Variants in CHLSN observed in about 807,000 individuals in gnomAD.
CHLSN encodes protein cholesin.
the CHLSN span, chr7:1,028,426 G>A: frequency 1.0e-6 from 1 of 985,682 alleles, no homozygotes; most frequent in Non-Finnish European, 1.2e-6. Context: ...GGACCGTGAC[G>A]CCAGCGCGCC....
the CHLSN span, among the ~76,000 whole-genome samples, chr7:983,571 A>G: frequency 6.6e-6 from 1 of 152,094 alleles, no homozygotes; most frequent in African/African-American, 2.4e-5. Context: ...TCCCACAGGG[A>G]AGCAGACACA....
chr7:1,108,315 G>A, the CHLSN span, among the ~76,000 whole-genome samples: 5 of 147,932 alleles, frequency 3.4e-5, no homozygotes, highest in African/African-American at 1.0e-4. Flanking sequence ...TCCCACACTG[G>A]AGTCCCGCGC....
the CHLSN span, among the ~76,000 whole-genome samples, chr7:1,037,662 C>A: frequency 7.7e-6 from 1 of 130,360 alleles, no homozygotes; most frequent in Non-Finnish European, 1.7e-5. Flanking sequence ...TCTGCCCGGC[C>A]GCCACCCCGT....
chr7:1,058,237 C>T, the CHLSN span: 49 of 764,946 alleles, frequency 6.4e-5, no homozygotes, highest in Middle Eastern at 4.5e-4. Flanking sequence ...ACCGTGTGCA[C>T]GCAGTTTGGG....
chr7:986,689 C>T, the CHLSN span: 67 of 1,612,506 alleles, frequency 4.2e-5, no homozygotes, highest in Non-Finnish European at 5.3e-5. Context: ...TGCGCAAGAT[C>T]GAGGAGGTCC....
chr7:1,113,617 G>A, the CHLSN span, among the ~76,000 whole-genome samples: 3 of 152,136 alleles, frequency 2.0e-5, no homozygotes, highest in Non-Finnish European at 2.9e-5. Flanking sequence ...CACATCTCAC[G>A]CTCCACAGGA....
the CHLSN span, chr7:1,092,139 G>T: frequency 1.2e-6 from 2 of 1,613,552 alleles, no homozygotes; most frequent in African/African-American, 2.7e-5. Context: ...CGCTCTTCCT[G>T]CAGGTCAACA....
At chr7:1,016,236 G>GCAGCACACAGCAGCGCACGC in the CHLSN span, among the ~76,000 whole-genome samples, 3 of 62,076 alleles carry the variant, frequency 4.8e-5, no homozygotes, top group East Asian at 3.7e-4. Context: ...CCAGCACACA[G>GCAGCACACAGCAGCGCACGC]CAGCACACAG....
At chr7:1,053,434 T>C in the CHLSN span, among the ~76,000 whole-genome samples, 1 of 151,706 alleles carries the variant, frequency 6.6e-6, no homozygotes. Context: ...GCGTCACGAG[T>C]CTCCTGTGAC....
chr7:1,014,629 G>A, the CHLSN span, among the ~76,000 whole-genome samples: 1 of 152,254 alleles, frequency 6.6e-6, no homozygotes, highest in African/African-American at 2.4e-5. Flanking sequence ...CAGGAAACGT[G>A]GGACAAACAC....
chr7:1,137,131 A>G, the CHLSN span, among the ~76,000 whole-genome samples: 1 of 152,030 alleles, frequency 6.6e-6, no homozygotes, highest in African/African-American at 2.4e-5. Context: ...CCCTCCTCGC[A>G]TCTCTGGGAA....
the CHLSN span, among the ~76,000 whole-genome samples, chr7:1,060,491 G>C: frequency 6.6e-6 from 1 of 152,214 alleles, no homozygotes; most frequent in South Asian, 2.1e-4. Context: ...GGGACAGTGG[G>C]GGTAGGGTGG....
the CHLSN span, among the ~76,000 whole-genome samples, chr7:982,437 C>T: frequency 1.3e-5 from 2 of 152,250 alleles, no homozygotes; most frequent in Admixed American, 1.3e-4. Flanking sequence ...GCTTCTGCTG[C>T]CAGCAGCCCT....
At chr7:1,007,228 C>T in the CHLSN span, among the ~76,000 whole-genome samples, 2 of 152,350 alleles carry the variant, frequency 1.3e-5, no homozygotes, top group South Asian at 2.1e-4. Flanking sequence ...GATGGCTTTG[C>T]CTCCAGGAGG....
chr7:1,130,164 TC>T, the CHLSN span, among the ~76,000 whole-genome samples: 2 of 152,184 alleles, frequency 1.3e-5, no homozygotes, highest in Non-Finnish European at 2.9e-5. Flanking sequence ...TGGTTAGGCC[TC>T]CTTTCTCCAG....
the CHLSN span, chr7:984,953 T>C: frequency 1.9e-6 from 3 of 1,598,470 alleles, no homozygotes; most frequent in African/African-American, 2.7e-5. Flanking sequence ...CCTACAGGCA[T>C]CTTCTTCTCA....
the CHLSN span, among the ~76,000 whole-genome samples, chr7:1,085,700 G>C: frequency 6.6e-6 from 1 of 151,406 alleles, no homozygotes; most frequent in Non-Finnish European, 1.5e-5. Context: ...AAAAATTAGC[G>C]GCTCGCATCT....
At chr7:1,034,432 G>A in the CHLSN span, among the ~76,000 whole-genome samples, 122 of 151,778 alleles carry the variant, frequency 8.0e-4, 1 homozygote, top group Non-Finnish European at 1.4e-3. Flanking sequence ...ATTCTAAAAC[G>A]TATATGGAAA....
chr7:1,002,253 T>TCCTGCGGGTGAGTGGAGC, the CHLSN span, among the ~76,000 whole-genome samples: 1 of 46,014 alleles, frequency 2.2e-5, no homozygotes, highest in Non-Finnish European at 3.8e-5. Context: ...GTGAGTGGAG[T>TCCTGCGGGTGAGTGGAGC]CCTGTGGGTG....
Sources: gnomAD v4.1 joint callset for allele counts (sites outside exome capture counted in the v4.1 genomes callset) on GRCh38, gnomAD v4.1.1 for gene constraint, MANE v1.5 for transcripts, NCBI Gene and HGNC (gene_info 2026-07-23, HGNC 2026-07-21) for gene names.